The following UGT1A8 variants were observed in gnomAD, a reference collection of about 807,000 sequenced individuals.
UGT1A8 encodes the protein UDP-glucuronosyltransferase 1A8.
UGT1A8 carries 39 observed loss-of-function variants against 45.3 expected under a neutral mutation model. The observed-to-expected ratio is 0.86, with a 90% confidence interval of 0.67 to 1.12. UGT1A8 has a LOEUF of 1.12. Ranked by LOEUF, UGT1A8 falls within the 50% of genes most tolerant of loss-of-function variation. UGT1A8 has a pLI of 0.00. For missense variants in UGT1A8, 719 were observed against 664.9 expected, an observed-to-expected ratio of 1.08 and a Z score of -0.90; for synonymous variants, 275 against 249.2, an observed-to-expected ratio of 1.10 and a Z score of -0.97.
chr2:233,720,732 G>A (rs1210720927), intron 1 of UGT1A8, among the ~76,000 whole-genome samples: 3 of 146,212 alleles, frequency 2.1e-5, no homozygotes, highest in African/African-American at 7.6e-5. Context: ...TTGAGACTGA[G>A]CCTCGTTCTG....
At chr2:233,690,645 A>T in intron 1 of UGT1A8, 1 of 1,286,952 alleles carries the variant, frequency 7.8e-7, no homozygotes, top group East Asian at 5.6e-5. Flanking sequence ...GGACACCTTG[A>T]CTCCTACAGC....
intron 1 of UGT1A8, among the ~76,000 whole-genome samples, chr2:233,694,919 C>T (rs993608682): frequency 2.0e-5 from 3 of 152,252 alleles, no homozygotes; most frequent in South Asian, 2.1e-4. Flanking sequence ...ATACAATGTG[C>T]GATGATCAAA....
intron 1 of UGT1A8, chr2:233,721,841 T>A (rs1420005948): frequency 1.9e-6 from 1 of 515,702 alleles, no homozygotes; most frequent in East Asian, 5.5e-5. Context: ...CGACCTTGTG[T>A]CCAGCCCCAC....
intron 1 of UGT1A8, among the ~76,000 whole-genome samples, chr2:233,669,204 G>A (rs1352081315): frequency 6.6e-6 from 1 of 152,002 alleles, no homozygotes; most frequent in African/African-American, 2.4e-5. Flanking sequence ...TGAAATATTT[G>A]ATTACTATAG....
intron 1 of UGT1A8, among the ~76,000 whole-genome samples, chr2:233,724,233 G>A (rs1323099966): frequency 1.2e-4 from 15 of 126,038 alleles, no homozygotes; most frequent in African/African-American, 3.9e-4. Context: ...CAGTAGGGGC[G>A]GCCGGGCAGA....
At chr2:233,708,191 T>G (rs2076007846) in intron 1 of UGT1A8, among the ~76,000 whole-genome samples, 1 of 152,240 alleles carries the variant, frequency 6.6e-6, no homozygotes, top group African/African-American at 2.4e-5. Context: ...CGTGCACATT[T>G]TAAATGTCAT....
chr2:233,724,596 C>T (rs202203863), intron 1 of UGT1A8, among the ~76,000 whole-genome samples: 7 of 113,880 alleles, frequency 6.1e-5, no homozygotes, highest in Non-Finnish European at 1.1e-4. Flanking sequence ...ACATCTCAGA[C>T]GATGGGCGGC....
intron 1 of UGT1A8, chr2:233,718,789 T>C (rs745402322): frequency 5.6e-6 from 9 of 1,612,926 alleles, no homozygotes; most frequent in Non-Finnish European, 7.6e-6. Flanking sequence ...CAGCGTGGGG[T>C]GGACAGTCAG....
chr2:233,720,890 T>C (rs2076904150), intron 1 of UGT1A8, among the ~76,000 whole-genome samples: 1 of 149,554 alleles, frequency 6.7e-6, no homozygotes, highest in South Asian at 2.1e-4. Context: ...TTTTTTTTTT[T>C]AGTAGAGATG....
intron 1 of UGT1A8, among the ~76,000 whole-genome samples, chr2:233,741,259 T>C (rs551312228): frequency 6.6e-6 from 1 of 151,984 alleles, no homozygotes; most frequent in South Asian, 2.1e-4. Flanking sequence ...TGCCACTCTT[T>C]GCTGACCACT....
chr2:233,693,562 A>C, intron 1 of UGT1A8: 1 of 1,614,236 alleles, frequency 6.2e-7, no homozygotes, highest in Non-Finnish European at 8.5e-7. Flanking sequence ...GCAGAAGCCC[A>C]GACCCTGTGT....
At chr2:233,642,818 A>G (rs1451897088) in intron 1 of UGT1A8, among the ~76,000 whole-genome samples, 1 of 152,164 alleles carries the variant, frequency 6.6e-6, no homozygotes, top group Non-Finnish European at 1.5e-5. Flanking sequence ...ACTTCTCTGG[A>G]TTCCAGCACA....
At chr2:233,684,037 C>G (rs45511895) in intron 1 of UGT1A8, among the ~76,000 whole-genome samples, 49 of 152,226 alleles carry the variant, frequency 3.2e-4, no homozygotes, top group African/African-American at 1.1e-3. Flanking sequence ...GTTGCTAAAT[C>G]CAGGTGAAAC....
chr2:233,749,426 C>T (rs1034149432), intron 1 of UGT1A8, among the ~76,000 whole-genome samples: 2 of 151,878 alleles, frequency 1.3e-5, no homozygotes, highest in African/African-American at 4.9e-5. Flanking sequence ...TTGCTCAAAA[C>T]TTCACTGTCA....
chr2:233,724,340 A>ACC (rs1221376110), intron 1 of UGT1A8, among the ~76,000 whole-genome samples: 3 of 104,180 alleles, frequency 2.9e-5, no homozygotes, highest in East Asian at 3.0e-4. Flanking sequence ...CGGGGGGCTG[A>ACC]CCCCCCCCAC....
intron 1 of UGT1A8, among the ~76,000 whole-genome samples, chr2:233,715,794 A>C (rs146761733): frequency 1.4e-4 from 21 of 152,268 alleles, no homozygotes; most frequent in African/African-American, 4.8e-4. Flanking sequence ...ATTTATTTGG[A>C]ATGTGAAAAT....
At chr2:233,696,793 T>C (rs781512293) in intron 1 of UGT1A8, among the ~76,000 whole-genome samples, 5 of 152,308 alleles carry the variant, frequency 3.3e-5, no homozygotes, top group Middle Eastern at 3.4e-3. Context: ...TTTTGAGGTA[T>C]GTTCCTTCTG....
intron 1 of UGT1A8, chr2:233,719,806 T>C: frequency 1.9e-6 from 3 of 1,595,234 alleles, no homozygotes; most frequent in Non-Finnish European, 2.6e-6. Context: ...TTTGGCTTCT[T>C]TATAACAGAT....
At chr2:233,652,960 A>G (rs370388648) in intron 1 of UGT1A8, among the ~76,000 whole-genome samples, 1 of 152,360 alleles carries the variant, frequency 6.6e-6, no homozygotes, top group East Asian at 1.9e-4. Flanking sequence ...ACAACAAAAA[A>G]CACAGACATC....
Sources: allele counts gnomAD v4.1 joint callset (sites outside exome capture counted in the v4.1 genomes callset), GRCh38; gene constraint gnomAD v4.1.1; transcripts MANE v1.5; gene names NCBI Gene and HGNC (gene_info 2026-07-23, HGNC 2026-07-21).